The following SQOR variants were observed in gnomAD, a reference collection of about 807,000 sequenced individuals.
SQOR encodes the protein sulfide:quinone oxidoreductase, mitochondrial.
SQOR carries 39 observed loss-of-function variants against 48.6 expected under a neutral mutation model. That is an observed-to-expected ratio of 0.80 (90% CI 0.62 to 1.05). The LOEUF (loss-of-function observed/expected upper bound fraction) is 1.05. Among genes scored for constraint, SQOR ranks in the 50% least tolerant of loss-of-function variants. The probability of loss-of-function intolerance (pLI) is 0.00; values close to 1 mark genes in which losing one functional copy is unlikely to be tolerated. For missense variants in SQOR, 561 were observed against 559.9 expected (o/e 1.00, Z -0.02); for synonymous variants, 220 against 206.2 (o/e 1.07, Z -0.57).
intron 1 of SQOR, among the ~76,000 whole-genome samples, chr15:45,654,907 C>G (rs1306720937): frequency 6.6e-6 from 1 of 152,092 alleles, no homozygotes; most frequent in African/African-American, 2.4e-5. Context: ...CTGGCCTCCC[C>G]ACCCTCATCT....
chr15:45,636,924 C>T (rs1318102710), intron 1 of SQOR, among the ~76,000 whole-genome samples: 3 of 151,762 alleles, frequency 2.0e-5, no homozygotes, highest in Admixed American at 6.6e-5. Context: ...GGGCACTGAC[C>T]CAATGACTTG....
chr15:45,651,189 G>T (rs964745441), intron 1 of SQOR, among the ~76,000 whole-genome samples: 1 of 152,324 alleles, frequency 6.6e-6, no homozygotes, highest in East Asian at 1.9e-4. Flanking sequence ...GAATTCAAGC[G>T]CAGCACCTGC....
At chr15:45,674,646 A>G (rs193242615) in intron 5 of SQOR, among the ~76,000 whole-genome samples, 1 of 152,268 alleles carries the variant, frequency 6.6e-6, no homozygotes, top group East Asian at 1.9e-4. Context: ...AAAAAGCAAA[A>G]AAATGTTCTC....
chr15:45,635,013 A>AGGCG (rs1192249075), upstream of SQOR: 1 of 152,242 alleles, frequency 6.6e-6, no homozygotes, highest in South Asian at 2.1e-4. Flanking sequence ...CCCGGATGGC[A>AGGCG]GGCGGGCGGG....
intron 1 of SQOR, among the ~76,000 whole-genome samples, chr15:45,638,233 T>C (rs530248471): frequency 3.8e-4 from 58 of 152,352 alleles, no homozygotes; most frequent in Middle Eastern, 6.8e-3. Flanking sequence ...ACTGGTGTTA[T>C]GGACTCACCA....
At chr15:45,636,579 T>G (rs925783415) in intron 1 of SQOR, among the ~76,000 whole-genome samples, 1 of 152,042 alleles carries the variant, frequency 6.6e-6, no homozygotes, top group Non-Finnish European at 1.5e-5. Context: ...AATTTTTGTA[T>G]TTTTAGTAGA....
chr15:45,649,945 T>TG (rs529897319), intron 1 of SQOR, among the ~76,000 whole-genome samples: 92 of 152,144 alleles, frequency 6.0e-4, no homozygotes, highest in African/African-American at 2.0e-3. Context: ...CGGGTTCAAG[T>TG]GGGGGTCCTG....
chr15:45,653,970 A>G (rs192951702), intron 1 of SQOR, among the ~76,000 whole-genome samples: 1 of 152,072 alleles, frequency 6.6e-6, no homozygotes, highest in East Asian at 1.9e-4. Flanking sequence ...AAAAATACCA[A>G]AATTAGCCAG....
At chr15:45,659,916 A>G (rs905605049) in intron 2 of SQOR, among the ~76,000 whole-genome samples, 1 of 152,162 alleles carries the variant, frequency 6.6e-6, no homozygotes, top group African/African-American at 2.4e-5. Context: ...TGGCCACTGC[A>G]CTTGCCTATC....
At chr15:45,677,112 T>C (rs1490078571) in intron 6 of SQOR, among the ~76,000 whole-genome samples, 1 of 152,094 alleles carries the variant, frequency 6.6e-6, no homozygotes, top group African/African-American at 2.4e-5. Flanking sequence ...AAGAAAATTG[T>C]ATGTAGCTTT....
intron 6 of SQOR, among the ~76,000 whole-genome samples, chr15:45,676,737 G>A (rs1890043191): frequency 6.6e-6 from 1 of 152,168 alleles, no homozygotes. Flanking sequence ...AACCCTGTGG[G>A]TAGTTGAAGA....
intron 7 of SQOR, among the ~76,000 whole-genome samples, chr15:45,684,529 G>C (rs970402122): frequency 6.6e-6 from 1 of 152,138 alleles, no homozygotes; most frequent in Admixed American, 6.5e-5. Context: ...CACCTCAGGA[G>C]CCTGTCATGT....
intron 3 of SQOR, 21 bp downstream of exon 3, chr15:45,662,146 ATT>A (rs752032718): frequency 1.2e-6 from 2 of 1,608,474 alleles, no homozygotes; most frequent in South Asian, 2.2e-5. Flanking sequence ...AGGCCTTTAG[ATT>A]TTTTGTTAAT....
intron 1 of SQOR, among the ~76,000 whole-genome samples, chr15:45,642,909 C>T (rs997500194): frequency 6.6e-5 from 10 of 152,120 alleles, no homozygotes; most frequent in African/African-American, 9.7e-5. Flanking sequence ...AGGAGCTTAT[C>T]GCTCACACCT....
intron 5 of SQOR, 65 bp downstream of exon 5, chr15:45,673,866 A>G: frequency 6.7e-7 from 1 of 1,493,956 alleles, no homozygotes; most frequent in Non-Finnish European, 9.2e-7. Context: ...GATTGCAAGA[A>G]TTCCATTTTA....
Position 45,667,941 on chromosome 15 carries a change from C to CTTTTT in SQOR, c.406-1970_406-1966dup, listed in dbSNP as rs1204451548. 8.8e-3 allele frequency among the ~76,000 whole-genome samples: 908 copies of CTTTTT among 103,172 alleles called. 1 individual carries two copies. Among genetic ancestry groups the CTTTTT allele is most frequent in the Non-Finnish European group, 0.013 (699 of 52,868 alleles). 67.7% of individuals were successfully genotyped at this position (103,172 alleles called of 152,430 possible). ...TCTTTCTTTATTTCTTTCTTTCTTT[C>CTTTTT]TTTTTTTTTTTTTTTTTTTTTGAGA... On this transcript the variant is annotated intron_variant, in intron 3 of 9. Coordinates refer to ENST00000260324, the MANE Select transcript of SQOR (RefSeq NM_021199.4).
chr15:45,685,583 G>C (rs1029622196), intron 7 of SQOR, among the ~76,000 whole-genome samples: 2 of 152,160 alleles, frequency 1.3e-5, no homozygotes, highest in African/African-American at 4.8e-5. Context: ...CCGCACGCCT[G>C]CACCCATGCA....
chr15:45,670,007 T>C, intron 4 of SQOR, 26 bp downstream of exon 4: 1 of 1,609,280 alleles, frequency 6.2e-7, no homozygotes, highest in Non-Finnish European at 8.5e-7. Flanking sequence ...GTTTCTGTGT[T>C]ACGCTGGCTT....
intron 1 of SQOR, among the ~76,000 whole-genome samples, chr15:45,658,403 C>T (rs965147302): frequency 6.6e-6 from 1 of 152,160 alleles, no homozygotes; most frequent in Non-Finnish European, 1.5e-5. Context: ...AGGTGGGTTT[C>T]TTGCTAGACG....
Sources: allele counts gnomAD v4.1 joint callset (sites outside exome capture counted in the v4.1 genomes callset), GRCh38; gene constraint gnomAD v4.1.1; transcripts MANE v1.5; gene names NCBI Gene and HGNC (gene_info 2026-07-23, HGNC 2026-07-21).